LNPEP: variants seen among roughly 807,000 people sequenced by gnomAD.
LNPEP encodes the protein leucyl-cystinyl aminopeptidase.
A neutral mutation model predicts 120.6 loss-of-function variants in LNPEP; 64 were observed. That is an observed-to-expected ratio of 0.53 (90% CI 0.43 to 0.65). The LOEUF (loss-of-function observed/expected upper bound fraction) is 0.65. Ranked by LOEUF, LNPEP falls within the 30% of genes least tolerant of loss-of-function variation. The pLI, the probability that LNPEP is intolerant of heterozygous loss-of-function variation, is 0.00. For missense variants in LNPEP, 1,057 were observed against 1,200.0 expected (o/e 0.88, Z 1.76); for synonymous variants, 435 against 425.4 (o/e 1.02, Z -0.28).
chr5:96,944,880 A>AT (rs1789149570), intron 1 of LNPEP, among the ~76,000 whole-genome samples: 1 of 151,548 alleles, frequency 6.6e-6, no homozygotes, highest in South Asian at 2.1e-4. Flanking sequence ...ACATTCAAAG[A>AT]TTTTCTGATT....
At chr5:97,002,617 G>A (rs544038699) in intron 8 of LNPEP, among the ~76,000 whole-genome samples, 28 of 152,266 alleles carry the variant, frequency 1.8e-4, no homozygotes, top group African/African-American at 6.5e-4. Flanking sequence ...ACTATGTAGT[G>A]GGCATTGTTT....
At chr5:97,015,202 T>C in intron 13 of LNPEP, 107 bp downstream of exon 13, 2 of 617,158 alleles carry the variant, frequency 3.2e-6, no homozygotes, top group Non-Finnish European at 5.1e-6. Context: ...TTAAATTCCA[T>C]TTTCTTCACT....
chr5:97,006,667 C>G (rs1582022584), intron 11 of LNPEP, 152 bp downstream of exon 11: 2 of 596,254 alleles, frequency 3.4e-6, no homozygotes, highest in Non-Finnish European at 6.0e-6. Context: ...GAGATTGATT[C>G]TGTATATCAT....
In LNPEP at chr5:97,010,575, G is replaced by A. The variant is rs1399990429; in HGVS notation, c.2036-3073G>A. The A allele has an allele frequency of 4.1e-6, 4 of 984,832 alleles. No homozygotes were observed. The African/African-American group carries it at 5.2e-5, about 13-fold the overall frequency. The allele number at this position is 984,832 out of a possible 1,614,324, so 61.0% of individuals were successfully genotyped here. On this transcript the variant is annotated intron_variant, in intron 11 of 17. Coordinates refer to ENST00000231368, the MANE Select transcript of LNPEP (RefSeq NM_005575.3). Reference sequence around the variant, plus strand: ...TTTTGTAACTTTGTAGTAAAAACGGGTTTTTTAGTTTCAGAACTTTAGTTT... The same window carrying A: ...TTTTGTAACTTTGTAGTAAAAACGGATTTTTTAGTTTCAGAACTTTAGTTT...
rs780999331 is a variant in LNPEP, at chr5:96,979,756, G to T, written c.638G>T (p.Gly213Val). The change falls in exon 2 of 18, where the codon GGT becomes GTT. Residue 213 changes from glycine to valine, a missense_variant. Physicochemically the swap from Gly to Val is moderately radical, Grantham distance 109 (BLOSUM62 -3). Transcript: ENST00000231368. ...TGGAATATCATTCTTCATAGCACAGGTCATAATATTTCAAGAGTGACCTTT... is the reference window on the plus strand; with the variant it reads ...TGGAATATCATTCTTCATAGCACAGTTCATAATATTTCAAGAGTGACCTTT... ...VTWNIILHSTGHNISRVTFMS... is the reference protein window; with the variant it reads ...VTWNIILHSTVHNISRVTFMS... 1.2e-6 allele frequency: 2 copies of T among 1,613,948 alleles called. No individual in the cohort carries two copies. Among genetic ancestry groups the T allele is most frequent in the South Asian group, 2.2e-5 (2 of 91,082 alleles).
chr5:97,019,022 CT>C (rs927585687), intron 13 of LNPEP, among the ~76,000 whole-genome samples: 1 of 152,200 alleles, frequency 6.6e-6, no homozygotes. Flanking sequence ...TGACATTTCA[CT>C]TTTAAGAAAC....
At chr5:96,957,501 G>T (rs1174232460) in intron 1 of LNPEP, among the ~76,000 whole-genome samples, 1 of 152,126 alleles carries the variant, frequency 6.6e-6, no homozygotes, top group Non-Finnish European at 1.5e-5. Flanking sequence ...GGTTATCCTG[G>T]ATTATCTAGT....
chr5:96,969,811 T>C (rs1046617063), intron 1 of LNPEP, among the ~76,000 whole-genome samples: 1 of 151,668 alleles, frequency 6.6e-6, no homozygotes, highest in African/African-American at 2.4e-5. Flanking sequence ...AGGGTGGAAA[T>C]GTCGTTATTT....
intron 10 of LNPEP, 52 bp from the exon 11 acceptor site, chr5:97,006,375 A>T (rs960132383): frequency 1.2e-4 from 51 of 424,434 alleles, no homozygotes; most frequent in African/African-American, 1.3e-4. Context: ...TACCAAATTA[A>T]AAAAAAAAAA....
intron 11 of LNPEP, among the ~76,000 whole-genome samples, chr5:97,008,727 C>G (rs1256168503): frequency 1.5e-5 from 2 of 137,784 alleles, no homozygotes; most frequent in African/African-American, 2.7e-5. Flanking sequence ...TGCAGTGGCG[C>G]GATCTCAGCT....
At chr5:96,937,521 A>G (rs1478396182) in intron 1 of LNPEP, 1 of 152,228 alleles carries the variant, frequency 6.6e-6, no homozygotes, top group African/African-American at 2.4e-5. Flanking sequence ...TGAACTAGAG[A>G]CCATCTAGTA....
At chr5:96,960,201 G>A (rs1216130969) in intron 1 of LNPEP, among the ~76,000 whole-genome samples, 2 of 152,022 alleles carry the variant, frequency 1.3e-5, no homozygotes, top group African/African-American at 4.8e-5. Context: ...GCCTCCCAAA[G>A]TGCTGAGATT....
intron 1 of LNPEP, among the ~76,000 whole-genome samples, chr5:96,962,339 TC>T (rs1346213056): frequency 6.6e-6 from 1 of 152,230 alleles, no homozygotes; most frequent in Non-Finnish European, 1.5e-5. Context: ...TTCTTAAACC[TC>T]TTTGTTTCTC....
rs965906460 is a variant in LNPEP at position 97,035,188 on chromosome 5, G to A, written c.*6655G>A. 8.6e-5 allele frequency: 13 copies of A among 151,832 alleles called. No individual in the cohort carries two copies. The highest frequency in any genetic ancestry group is 3.9e-4 in the Admixed American group (6 of 15,204). The allele number at this position is 151,832 out of a possible 1,614,324, so 9.4% of individuals were successfully genotyped here. On this transcript the variant is annotated 3_prime_UTR_variant, in exon 18 of 18. Transcript: ENST00000231368. ...TTTTTTTATGGGGAGGGGTTCTTTG[G>A]GTGGGTAATAGTCAGGGGGAAAGGA... is the stretch of plus-strand genomic sequence containing the variant.
chr5:96,972,021 T>C (rs1789877070), intron 1 of LNPEP, among the ~76,000 whole-genome samples: 2 of 152,152 alleles, frequency 1.3e-5, no homozygotes, highest in Non-Finnish European at 2.9e-5. Context: ...AAATGTCTAG[T>C]AATTTTTTAT....
chr5:96,992,899 A>G (rs1451942535), intron 4 of LNPEP, 116 bp from the exon 5 acceptor site: 2 of 692,064 alleles, frequency 2.9e-6, no homozygotes, highest in African/African-American at 3.7e-5. Flanking sequence ...TCTATCCAGA[A>G]GGATCTCATA....
chr5:96,992,112 T>G (rs557885925), intron 4 of LNPEP, among the ~76,000 whole-genome samples: 2 of 152,292 alleles, frequency 1.3e-5, no homozygotes, highest in East Asian at 3.9e-4. Context: ...CTGAATAAAA[T>G]GTTTATAGTT....
intron 1 of LNPEP, among the ~76,000 whole-genome samples, chr5:96,952,488 A>T (rs531092399): frequency 1.3e-4 from 20 of 152,330 alleles, no homozygotes; most frequent in African/African-American, 4.8e-4. Context: ...ATAGTTTAGG[A>T]GTCCACAGAA....
rs1581981996 is a variant in LNPEP at position 96,955,053 on chromosome 5, A to C, written c.19+18879A>C. Among the ~76,000 whole-genome samples, 3 of 150,402 alleles carry C rather than the reference A, an allele frequency of 2.0e-5. No individual in the cohort carries two copies. In the East Asian group the frequency reaches 6.0e-4, roughly 30 times the overall value. The stretch of plus-strand genomic sequence containing the variant: ...TGCCTCGGCCTCCCAAAGTGCTGGG[A>C]TTACAGGCGTGAGCCACCGCGCCCG... On this transcript the variant is annotated intron_variant, in intron 1 of 17. Coordinates refer to ENST00000231368, the MANE Select transcript of LNPEP (RefSeq NM_005575.3).
Sources: allele counts gnomAD v4.1 joint callset (sites outside exome capture counted in the v4.1 genomes callset), GRCh38; gene constraint gnomAD v4.1.1; transcripts MANE v1.5; gene names NCBI Gene and HGNC (gene_info 2026-07-23, HGNC 2026-07-21).